Variants in PRR5 observed in about 807,000 individuals in gnomAD.
PRR5 encodes proline-rich protein 5.
A neutral mutation model predicts 30.6 loss-of-function variants in PRR5; 25 were observed. That is an observed-to-expected ratio of 0.82 (90% confidence interval 0.60 to 1.14). The LOEUF (loss-of-function observed/expected upper bound fraction) is 1.14. PRR5 is among the 50% of genes most tolerant of loss of function. The probability of loss-of-function intolerance (pLI) is 0.00; values close to 1 mark genes in which losing one functional copy is unlikely to be tolerated. For synonymous variants in PRR5, 286 were observed against 247.1 expected, an observed-to-expected ratio of 1.16 and a Z score of -1.48; for missense variants, 600 against 547.1, an observed-to-expected ratio of 1.10 and a Z score of -0.96.
intron 1 of PRR5, among the ~76,000 whole-genome samples, chr22:44,707,954 C>G (rs1256306761): frequency 6.6e-6 from 1 of 152,146 alleles, no homozygotes; most frequent in Non-Finnish European, 1.5e-5. Flanking sequence ...AGATGCCAGC[C>G]TCGTGCAGGG....
intron 3 of PRR5, among the ~76,000 whole-genome samples, chr22:44,726,223 G>A (rs968848762): frequency 1.3e-5 from 2 of 152,200 alleles, no homozygotes; most frequent in East Asian, 3.8e-4. Context: ...TGACGGGCCC[G>A]GCCTTTGGTA....
chr22:44,669,372 C>A (rs1923291286), intron 1 of PRR5, among the ~76,000 whole-genome samples: 1 of 152,200 alleles, frequency 6.6e-6, no homozygotes, highest in Non-Finnish European at 1.5e-5. Flanking sequence ...CCAGCCACTT[C>A]CTGGCTGGTA....
At chr22:44,710,878 C>CGCAGGGCAGG (rs896190367) in intron 1 of PRR5, among the ~76,000 whole-genome samples, 2 of 152,076 alleles carry the variant, frequency 1.3e-5, no homozygotes, top group Admixed American at 1.3e-4. Flanking sequence ...CAGAAAAGGC[C>CGCAGGGCAGG]GCAGGGCAGG....
intron 1 of PRR5, among the ~76,000 whole-genome samples, chr22:44,670,500 G>T (rs1923360120): frequency 1.3e-5 from 2 of 152,140 alleles, no homozygotes; most frequent in Non-Finnish European, 1.5e-5. Flanking sequence ...CCACCCACAG[G>T]GGCAGTCAGG....
At chr22:44,710,582 C>A (rs1369312897) in intron 1 of PRR5, among the ~76,000 whole-genome samples, 4 of 152,160 alleles carry the variant, frequency 2.6e-5, no homozygotes, top group Non-Finnish European at 5.9e-5. Context: ...TCACATGAGA[C>A]CCTCCCACCC....
intron 1 of PRR5, among the ~76,000 whole-genome samples, chr22:44,708,966 C>CA (rs60854330): frequency 0.14 from 9,034 of 63,996 alleles, 1,682 homozygotes; most frequent in East Asian, 0.28. Context: ...GACTCTGTCT[C>CA]AAAAAAAAAA....
At chr22:44,685,166 C>T (rs1401952733) in intron 1 of PRR5, among the ~76,000 whole-genome samples, 2 of 152,162 alleles carry the variant, frequency 1.3e-5, no homozygotes, top group African/African-American at 4.8e-5. Context: ...TGCCCCAGGT[C>T]GGAGGGTAGA....
intron 1 of PRR5, among the ~76,000 whole-genome samples, chr22:44,669,976 C>T (rs896185313): frequency 2.0e-5 from 3 of 152,204 alleles, no homozygotes; most frequent in Non-Finnish European, 4.4e-5. Context: ...CCCAGATCAT[C>T]CTCCTTGATG....
At chr22:44,717,877 G>A (rs1386537304) in intron 2 of PRR5, among the ~76,000 whole-genome samples, 2 of 151,976 alleles carry the variant, frequency 1.3e-5, no homozygotes, top group South Asian at 2.1e-4. Flanking sequence ...CACCACGACC[G>A]GCTAATTTTG....
At position 44,735,138 on chromosome 22, in the gene PRR5, C is replaced by T. The variant is rs758126560; in HGVS notation, c.667C>T (p.Pro223Ser). ...CTACGGCCTCCACTCCAGCGAGGGG[C>T]CCTTCACCCATTCCTGCATCCTGGG... Reference protein sequence around the residue: ...GTYGLHSSEGPFTHSCILEKR... With the variant: ...GTYGLHSSEGSFTHSCILEKR... The change falls in exon 7 of 8, where the codon CCC becomes TCC. Residue 223 changes from proline (P) to serine (S), a missense_variant. Coordinates refer to ENST00000336985, the MANE Select transcript of PRR5 (RefSeq NM_181333.4). 1 of 1,613,054 alleles carries T rather than the reference C, an allele frequency of 6.2e-7. No homozygotes were observed. Among genetic ancestry groups the T allele is most frequent in the South Asian group, 1.1e-5 (1 of 91,036 alleles).
At chr22:44,696,818 A>G (rs1925797247) in intron 1 of PRR5, among the ~76,000 whole-genome samples, 1 of 151,568 alleles carries the variant, frequency 6.6e-6, no homozygotes, top group Non-Finnish European at 1.5e-5. Flanking sequence ...CTCACTGTAA[A>G]CTCCGCTTCC....
intron 1 of PRR5, among the ~76,000 whole-genome samples, chr22:44,711,216 G>A (rs764339806): frequency 1.3e-5 from 2 of 152,192 alleles, no homozygotes; most frequent in African/African-American, 4.8e-5. Flanking sequence ...GAGGCCAGGT[G>A]GGGCGTCAGG....
rs747496256 is a variant in PRR5 at position 44,736,991 on chromosome 22, C to CCGG, written c.912_914dup (p.Gly305dup). ...TCCGACCCGCCCGGCCAGGGCCCCA[C>CCGG]CGGGACCTTCAGGTCCTCCCCGGCG... On this transcript the variant is annotated inframe_insertion, in exon 8 of 8. Transcript: ENST00000336985. The CCGG allele has an allele frequency of 1.2e-6, 2 of 1,600,490 alleles. No homozygotes were observed. The highest frequency in any genetic ancestry group is 2.2e-5 in the South Asian group (2 of 90,692).
chr22:44,695,199 G>T (rs983850630), intron 1 of PRR5, among the ~76,000 whole-genome samples: 2 of 152,032 alleles, frequency 1.3e-5, no homozygotes, highest in African/African-American at 4.8e-5. Context: ...AAGAAGGAGA[G>T]AGGGGCTGTC....
chr22:44,702,686 G>A, intron 1 of PRR5, 78 bp downstream of exon 1: 1 of 1,230,860 alleles, frequency 8.1e-7, no homozygotes. Context: ...CGGGCTAGGG[G>A]CCGCCCCGAG....
intron 1 of PRR5, among the ~76,000 whole-genome samples, chr22:44,711,475 TC>T (rs1041912544): frequency 1.6e-4 from 24 of 151,120 alleles, no homozygotes; most frequent in African/African-American, 5.8e-4. Context: ...CATCCAGAGG[TC>T]CCATGGTGTA....
chr22:44,735,835 G>A (rs1297052506), intron 7 of PRR5, among the ~76,000 whole-genome samples: 6 of 152,202 alleles, frequency 3.9e-5, no homozygotes, highest in African/African-American at 4.8e-5. Flanking sequence ...GGGGCTCCCC[G>A]TCCCCACCTG....
At chr22:44,732,843 TGC>T (rs1922360925) in intron 6 of PRR5, among the ~76,000 whole-genome samples, 1 of 42,942 alleles carries the variant, frequency 2.3e-5, no homozygotes, top group Admixed American at 2.5e-4. Flanking sequence ...ACTACACACG[TGC>T]ACACACGTGC....
chr22:44,731,679 G>A (rs1438572511), intron 4 of PRR5, 51 bp from the exon 5 acceptor site: 4 of 1,579,688 alleles, frequency 2.5e-6, no homozygotes, highest in African/African-American at 1.3e-5. Flanking sequence ...GTGAGTGGAG[G>A]CATCTGCCCG....
Sources: allele counts gnomAD v4.1 joint callset (sites outside exome capture counted in the v4.1 genomes callset), GRCh38; gene constraint gnomAD v4.1.1; transcripts MANE v1.5; gene names NCBI Gene and HGNC (gene_info 2026-07-23, HGNC 2026-07-21).